The following CCNY variants were observed in gnomAD, a reference collection of about 807,000 sequenced individuals.
The protein encoded by CCNY is cyclin-Y.
Under a neutral mutation model 42.8 loss-of-function variants are expected in CCNY, and 19 were observed. The observed-to-expected ratio is 0.44, with a 90% confidence interval of 0.31 to 0.65. The LOEUF is 0.65. CCNY is among the 30% of genes least tolerant of loss of function. CCNY has a pLI of 0.07. For synonymous variants in CCNY, 165 were observed against 162.7 expected (o/e 1.01, Z -0.11); for missense variants, 370 against 437.3 (o/e 0.85, Z 1.37).
At chr10:35,380,070 T>C (rs762897020) in intron 1 of CCNY, among the ~76,000 whole-genome samples, 1 of 152,172 alleles carries the variant, frequency 6.6e-6, no homozygotes, top group Non-Finnish European at 1.5e-5. Context: ...GTCCCAGATA[T>C]TGGTTAGGTT....
intron 8 of CCNY, among the ~76,000 whole-genome samples, chr10:35,560,944 G>A (rs1328458508): frequency 6.6e-6 from 1 of 152,150 alleles, no homozygotes; most frequent in African/African-American, 2.4e-5. Context: ...ACTGGAAGCT[G>A]GGGGCCCTGC....
At chr10:35,369,394 G>A (rs760872237) in intron 1 of CCNY, among the ~76,000 whole-genome samples, 1 of 152,158 alleles carries the variant, frequency 6.6e-6, no homozygotes, top group African/African-American at 2.4e-5. Flanking sequence ...AGCTCCACAC[G>A]GTTTAGGGAA....
intron 1 of CCNY, among the ~76,000 whole-genome samples, chr10:35,358,168 A>AT (rs1836600931): frequency 6.6e-6 from 1 of 151,604 alleles, no homozygotes; most frequent in African/African-American, 2.4e-5. Context: ...CACCACCATA[A>AT]CATCTGTACT....
intron 3 of CCNY, among the ~76,000 whole-genome samples, chr10:35,305,086 C>A (rs1175957420): frequency 6.6e-6 from 1 of 152,188 alleles, no homozygotes; most frequent in Non-Finnish European, 1.5e-5. Context: ...AATATAAAAT[C>A]TGACATTGCT....
At chr10:35,444,797 A>G (rs188697753) in intron 1 of CCNY, among the ~76,000 whole-genome samples, 24 of 152,342 alleles carry the variant, frequency 1.6e-4, no homozygotes, top group Admixed American at 1.2e-3. Context: ...TAATCCTAAG[A>G]AAGCAACGTG....
At chr10:35,260,329 G>A (rs3936503) in intron 3 of CCNY, among the ~76,000 whole-genome samples, 55,537 of 151,986 alleles carry the variant, frequency 0.37, 10,651 homozygotes, top group African/African-American at 0.49. Context: ...GTATGTAAGA[G>A]CCTACCTCTG....
At chr10:35,407,011 C>T (rs538000288) in intron 1 of CCNY, among the ~76,000 whole-genome samples, 4 of 152,140 alleles carry the variant, frequency 2.6e-5, no homozygotes, top group Non-Finnish European at 5.9e-5. Flanking sequence ...GGTGGTAAAG[C>T]GTCTAAGGGT....
chr10:35,462,605 C>T (rs906600306), intron 1 of CCNY, among the ~76,000 whole-genome samples: 2 of 152,200 alleles, frequency 1.3e-5, no homozygotes, highest in African/African-American at 4.8e-5. Context: ...CAGGACCTGT[C>T]TTATTTGCTT....
At chr10:35,290,222 T>A (rs1182713232) in intron 3 of CCNY, among the ~76,000 whole-genome samples, 1 of 122,910 alleles carries the variant, frequency 8.1e-6, no homozygotes, top group African/African-American at 3.3e-5. Context: ...CAAGACTCCA[T>A]CACACACACA....
intron 1 of CCNY, among the ~76,000 whole-genome samples, chr10:35,421,033 A>T (rs1403898904): frequency 6.6e-6 from 1 of 152,194 alleles, no homozygotes; most frequent in Non-Finnish European, 1.5e-5. Context: ...AGCCCAGTGG[A>T]TAGGCCTGTT....
intron 1 of CCNY, among the ~76,000 whole-genome samples, chr10:35,418,473 A>C (rs1323553103): frequency 6.6e-6 from 1 of 152,210 alleles, no homozygotes; most frequent in Non-Finnish European, 1.5e-5. Context: ...TTCATCTATG[A>C]AGCAGTGGGA....
chr10:35,404,220 A>C (rs1175565717), intron 1 of CCNY, among the ~76,000 whole-genome samples: 1 of 152,222 alleles, frequency 6.6e-6, no homozygotes, highest in East Asian at 1.9e-4. Context: ...CAGCCACTGC[A>C]CACAGACATG....
intron 3 of CCNY, among the ~76,000 whole-genome samples, chr10:35,514,147 A>G (rs1051454784): frequency 2.6e-5 from 4 of 151,406 alleles, no homozygotes; most frequent in Admixed American, 1.3e-4. Flanking sequence ...GATTACAGCT[A>G]TTTCGGCTTT....
At chr10:35,537,771 C>G (rs531335376) in intron 7 of CCNY, among the ~76,000 whole-genome samples, 1 of 152,026 alleles carries the variant, frequency 6.6e-6, no homozygotes, top group Non-Finnish European at 1.5e-5. Flanking sequence ...TTTTCAGGCT[C>G]ATAGGTGGAA....
At chr10:35,303,188 C>CT (rs1320627378) in intron 3 of CCNY, among the ~76,000 whole-genome samples, 10 of 150,978 alleles carry the variant, frequency 6.6e-5, no homozygotes, top group South Asian at 6.3e-4. Flanking sequence ...GATCCTGTTT[C>CT]TTTTTTTTTG....
chr10:35,252,996 G>A (rs1249434208), intron 3 of CCNY, among the ~76,000 whole-genome samples: 8 of 151,996 alleles, frequency 5.3e-5, no homozygotes, highest in Non-Finnish European at 7.4e-5. Flanking sequence ...CAAAACCATC[G>A]AACTGCTGTG....
At chr10:35,426,111 G>GCGCACACA (rs1371722726) in intron 1 of CCNY, among the ~76,000 whole-genome samples, 14 of 80,466 alleles carry the variant, frequency 1.7e-4, no homozygotes, top group African/African-American at 7.5e-4. Context: ...TCCAGCACGC[G>GCGCACACA]CACACACACA....
At chr10:35,250,509 G>A (rs1485899029) in intron 2 of CCNY, 1 of 152,188 alleles carries the variant, frequency 6.6e-6, no homozygotes, top group Non-Finnish European at 1.5e-5. Flanking sequence ...CATATCCCTG[G>A]GTCTCATTCT....
intron 1 of CCNY, among the ~76,000 whole-genome samples, chr10:35,367,319 T>C (rs947295789): frequency 4.6e-5 from 7 of 152,222 alleles, no homozygotes; most frequent in Admixed American, 2.0e-4. Flanking sequence ...TGTTCCACCA[T>C]GCACTAGCTG....
Sources: allele counts gnomAD v4.1 joint callset (sites outside exome capture counted in the v4.1 genomes callset), GRCh38; gene constraint gnomAD v4.1.1; transcripts MANE v1.5; gene names NCBI Gene and HGNC (gene_info 2026-07-23, HGNC 2026-07-21).